The following RABGEF1 variants were observed in gnomAD, a reference collection of about 807,000 sequenced individuals.
The protein encoded by RABGEF1 is RAB guanine nucleotide exchange factor 1.
Under a neutral mutation model 57.3 loss-of-function variants are expected in RABGEF1, and 26 were observed. The ratio of observed to expected loss-of-function variants is 0.45; its 90% confidence interval spans 0.33 to 0.63. The LOEUF (loss-of-function observed/expected upper bound fraction) is 0.63, where lower values mean the gene tolerates loss of function less well. Among genes scored for constraint, RABGEF1 ranks in the 20% least tolerant of loss-of-function variants. The pLI is 0.02. For missense variants in RABGEF1, 464 were observed against 607.6 expected (o/e 0.76, Z 2.48); for synonymous variants, 185 against 210.7 (o/e 0.88, Z 1.06).
chr7:66,687,011 C>T (rs78188496), intron 1 of RABGEF1, among the ~76,000 whole-genome samples: 5,528 of 149,614 alleles, frequency 0.037, 157 homozygotes, highest in East Asian at 0.085. Flanking sequence ...TTAGTAGAGA[C>T]GGGGTTTCAC....
intron 1 of RABGEF1, among the ~76,000 whole-genome samples, chr7:66,759,111 A>G (rs1266125993): frequency 6.6e-6 from 1 of 152,222 alleles, no homozygotes; most frequent in African/African-American, 2.4e-5. Context: ...CATAGTCAAG[A>G]TACAGAACTA....
intron 4 of RABGEF1, among the ~76,000 whole-genome samples, chr7:66,785,472 A>G (rs1584094230): frequency 6.6e-6 from 1 of 152,222 alleles, no homozygotes; most frequent in East Asian, 1.9e-4. Context: ...TTTCAAATAA[A>G]TAAATAAACA....
the RABGEF1 span, among the ~76,000 whole-genome samples, chr7:66,657,412 A>C: frequency 6.6e-6 from 1 of 152,256 alleles, no homozygotes; most frequent in Non-Finnish European, 1.5e-5. Flanking sequence ...GAAATCATAC[A>C]GGAAATTAGA....
At position 66,776,905 on chromosome 7, in the gene RABGEF1, T is replaced by C. The variant is rs113471295; in HGVS notation, c.346+1512T>C. 2.8e-3 allele frequency among the ~76,000 whole-genome samples: 430 copies of C among 152,318 alleles called. 1 individual carries two copies. The highest frequency in any genetic ancestry group is 1.0e-2 in the African/African-American group (414 of 41,566). On this transcript the variant is annotated intron_variant, in intron 3 of 8. Transcript: ENST00000284957. ...AAGGTGACTTTGGAGTCACTCCTGG[T>C]TTGAGCCCTAGCTTTGTATTTACCA...
intron 2 of RABGEF1, among the ~76,000 whole-genome samples, chr7:66,724,054 A>G (rs976670316): frequency 6.6e-6 from 1 of 151,584 alleles, no homozygotes; most frequent in African/African-American, 2.4e-5. Context: ...TGGGCAATAA[A>G]TTTTCTCACC....
chr7:66,761,325 TAA>T (rs1804296238), intron 1 of RABGEF1, among the ~76,000 whole-genome samples: 1 of 152,250 alleles, frequency 6.6e-6, no homozygotes, highest in Non-Finnish European at 1.5e-5. Context: ...CCAGAAGTTC[TAA>T]CTGACCAGCT....
chr7:66,660,888 A>G, the RABGEF1 span, among the ~76,000 whole-genome samples: 2 of 152,188 alleles, frequency 1.3e-5, no homozygotes, highest in Admixed American at 1.3e-4. Context: ...AAAACAACTG[A>G]CCAATATTGC....
intron 1 of RABGEF1, among the ~76,000 whole-genome samples, chr7:66,686,717 GT>G (rs1438314389): frequency 3.9e-5 from 6 of 152,218 alleles, no homozygotes; most frequent in African/African-American, 1.2e-4. Context: ...AAACATTATA[GT>G]TTTTGGTGCT....
rs1790179074 is a variant in RABGEF1, at chr7:66,683,888, G to A, written c.-873+1630G>A. Among the ~76,000 whole-genome samples, 3 of 152,118 alleles carry A rather than the reference G, an allele frequency of 2.0e-5. No individual in the cohort carries two copies. In the South Asian group the frequency reaches 6.2e-4, roughly 32 times the overall value. On this transcript the variant is annotated intron_variant and NMD_transcript_variant, in intron 1 of 9. Transcript: ENST00000607882. ...CCCGAGTAGCTGAGACTGCAAATGG[G>A]TGCCGCCACACCCAGCTGATTTTTA...
At chr7:66,773,338 C>G (rs751911654) in intron 2 of RABGEF1, among the ~76,000 whole-genome samples, 3 of 152,180 alleles carry the variant, frequency 2.0e-5, no homozygotes, top group Non-Finnish European at 4.4e-5. Flanking sequence ...CCTCCCCTCA[C>G]CACATAAAAA....
In RABGEF1 at chr7:66,772,058, G is replaced by A. The variant is rs1425169168; in HGVS notation, c.159G>A (p.Glu53=). The A allele has an allele frequency of 3.2e-6, 5 of 1,557,320 alleles. No homozygotes were observed. The highest frequency in any genetic ancestry group is 4.3e-6 in the Non-Finnish European group (5 of 1,151,718). The change falls in exon 2 of 9, where the codon GAG becomes GAA. Residue 53 remains glutamate (E), a synonymous_variant. Transcript: ENST00000284957. ...AAGCCAGGCAGAAGCAGATTCAGGAGGACTGGGAGCTGGCGGAGCGGTAAA... is the reference window on the plus strand; with the variant it reads ...AAGCCAGGCAGAAGCAGATTCAGGAAGACTGGGAGCTGGCGGAGCGGTAAA... The part of the protein sequence containing the change: ...YHKARQKQIQ[E]DWELAERLQR...
chr7:66,798,145 C>T (rs1404306451), intron 6 of RABGEF1, among the ~76,000 whole-genome samples: 1 of 152,154 alleles, frequency 6.6e-6, no homozygotes, highest in African/African-American at 2.4e-5. Flanking sequence ...TAGATGTCCT[C>T]TTTCCTCATT....
chr7:66,688,793 C>G (rs1489037584), intron 1 of RABGEF1, among the ~76,000 whole-genome samples: 2 of 152,122 alleles, frequency 1.3e-5, no homozygotes, highest in Non-Finnish European at 2.9e-5. Context: ...CTGTAAGCAT[C>G]TACCTTTAAA....
upstream of RABGEF1, among the ~76,000 whole-genome samples, chr7:66,737,452 C>G (rs569432866): frequency 4.0e-4 from 61 of 151,582 alleles, no homozygotes; most frequent in East Asian, 0.011. Context: ...TAGGGGGGGG[C>G]AGTCTAAAAC....
At chr7:66,743,035 C>T (rs543008106) in intron 1 of RABGEF1, among the ~76,000 whole-genome samples, 26 of 152,202 alleles carry the variant, frequency 1.7e-4, no homozygotes, top group African/African-American at 5.1e-4. Flanking sequence ...TCTGGCCAGG[C>T]GCGGTGGCTC....
intron 1 of RABGEF1, among the ~76,000 whole-genome samples, chr7:66,769,308 A>G (rs911709124): frequency 6.6e-6 from 1 of 152,226 alleles, no homozygotes; most frequent in Non-Finnish European, 1.5e-5. Flanking sequence ...CTCTCTCCCC[A>G]GCAACTGCAG....
At chr7:66,729,799 G>T (rs2117630660) in intron 2 of RABGEF1, among the ~76,000 whole-genome samples, 1 of 152,356 alleles carries the variant, frequency 6.6e-6, no homozygotes, top group East Asian at 1.9e-4. Context: ...TGCAGGTCCT[G>T]GCTGCCTTGT....
chr7:66,776,601 A>G (rs537199612), intron 3 of RABGEF1, among the ~76,000 whole-genome samples: 2 of 152,324 alleles, frequency 1.3e-5, no homozygotes, highest in South Asian at 4.1e-4. Flanking sequence ...AGGCTGAGGC[A>G]GGAGAATCAT....
chr7:66,655,358 C>T, the RABGEF1 span, among the ~76,000 whole-genome samples: 2 of 151,450 alleles, frequency 1.3e-5, no homozygotes, highest in Non-Finnish European at 2.9e-5. Flanking sequence ...CTGGCGGTGT[C>T]TCAGCGCGGG....
Sources: gnomAD v4.1 joint callset for allele counts (sites outside exome capture counted in the v4.1 genomes callset) on GRCh38, gnomAD v4.1.1 for gene constraint, MANE v1.5 for transcripts, NCBI Gene and HGNC (gene_info 2026-07-23, HGNC 2026-07-21) for gene names.